Variants in GPC6 observed in about 807,000 individuals in gnomAD.
GPC6 encodes glypican-6.
GPC6 carries 14 observed loss-of-function variants against 55.2 expected under a neutral mutation model. That is an observed-to-expected ratio of 0.25 (90% CI 0.17 to 0.40). The LOEUF is 0.40. Among genes scored for constraint, GPC6 ranks in the 10% least tolerant of loss-of-function variants. The pLI is 1.00. For missense variants in GPC6, 641 were observed against 708.5 expected (o/e 0.90, Z 1.08); for synonymous variants, 278 against 259.6 (o/e 1.07, Z -0.68).
chr13:94,235,064 T>C (rs1037448999), intron 4 of GPC6, among the ~76,000 whole-genome samples: 1 of 152,138 alleles, frequency 6.6e-6, no homozygotes, highest in Non-Finnish European at 1.5e-5. Context: ...CTGTACTGTA[T>C]GCTTAAAATT....
intron 4 of GPC6, among the ~76,000 whole-genome samples, chr13:94,082,369 T>A (rs1885131505): frequency 2.0e-5 from 3 of 152,164 alleles, no homozygotes; most frequent in Admixed American, 1.3e-4. Context: ...CTGAAAATAC[T>A]GTGCGCTCAT....
At chr13:93,876,543 A>T (rs922308158) in intron 3 of GPC6, among the ~76,000 whole-genome samples, 5 of 152,002 alleles carry the variant, frequency 3.3e-5, no homozygotes, top group African/African-American at 1.2e-4. Flanking sequence ...TAAAAATGAG[A>T]GTTTCAGAAT....
intron 4 of GPC6, among the ~76,000 whole-genome samples, chr13:94,183,688 A>G (rs1425619495): frequency 6.6e-6 from 1 of 152,196 alleles, no homozygotes; most frequent in Non-Finnish European, 1.5e-5. Context: ...CCAGAAATCT[A>G]CGAGGGTTTC....
intron 2 of GPC6, among the ~76,000 whole-genome samples, chr13:93,652,194 A>G (rs185906825): frequency 1.3e-5 from 2 of 152,272 alleles, no homozygotes; most frequent in Admixed American, 6.5e-5. Flanking sequence ...TTATAGAACT[A>G]TCTTCATATA....
chr13:94,176,520 C>T (rs554187561), intron 4 of GPC6, among the ~76,000 whole-genome samples: 2 of 152,216 alleles, frequency 1.3e-5, no homozygotes, highest in South Asian at 2.1e-4. Flanking sequence ...TGGAGGGAAA[C>T]GAGTGACCTT....
intron 4 of GPC6, among the ~76,000 whole-genome samples, chr13:94,048,623 G>A (rs760028848): frequency 2.0e-5 from 3 of 151,696 alleles, no homozygotes; most frequent in African/African-American, 7.3e-5. Context: ...AAAAAAAAAC[G>A]AAGAGACAGA....
intron 2 of GPC6, among the ~76,000 whole-genome samples, chr13:93,695,185 T>C (rs1245666395): frequency 1.3e-5 from 2 of 152,094 alleles, no homozygotes; most frequent in Non-Finnish European, 2.9e-5. Flanking sequence ...ACTTAGAAGT[T>C]TACTGAGCCT....
intron 6 of GPC6, among the ~76,000 whole-genome samples, chr13:94,377,744 C>G (rs1449996419): frequency 6.6e-6 from 1 of 152,166 alleles, no homozygotes; most frequent in African/African-American, 2.4e-5. Flanking sequence ...GACACATGCA[C>G]ACGTATGTTT....
chr13:93,612,986 A>C (rs1878550900), intron 2 of GPC6, among the ~76,000 whole-genome samples: 1 of 152,174 alleles, frequency 6.6e-6, no homozygotes, highest in Non-Finnish European at 1.5e-5. Context: ...ATTCATTGCC[A>C]ATGTTTTGCC....
At chr13:94,140,286 C>G (rs970689694) in intron 4 of GPC6, among the ~76,000 whole-genome samples, 5 of 152,186 alleles carry the variant, frequency 3.3e-5, no homozygotes, top group African/African-American at 1.2e-4. Context: ...TATGCTACTA[C>G]AATTTGCATT....
chr13:94,044,778 A>G (rs762860770), intron 4 of GPC6, among the ~76,000 whole-genome samples: 29 of 152,004 alleles, frequency 1.9e-4, no homozygotes, highest in South Asian at 4.1e-4. Flanking sequence ...CCAGAATCTC[A>G]TAAGACAAGG....
intron 4 of GPC6, among the ~76,000 whole-genome samples, chr13:94,151,680 G>A (rs911864258): frequency 2.0e-5 from 3 of 152,048 alleles, no homozygotes; most frequent in East Asian, 1.9e-4. Flanking sequence ...GTCTTTATCC[G>A]AGGCAATGGT....
chr13:93,862,355 A>C (rs1385363834), intron 3 of GPC6, among the ~76,000 whole-genome samples: 1 of 151,504 alleles, frequency 6.6e-6, no homozygotes, highest in Non-Finnish European at 1.5e-5. Flanking sequence ...TGCTCCATGC[A>C]GGGGAGATAT....
At chr13:93,532,272 A>G (rs934269398) in intron 1 of GPC6, among the ~76,000 whole-genome samples, 3 of 152,004 alleles carry the variant, frequency 2.0e-5, no homozygotes, top group Non-Finnish European at 2.9e-5. Context: ...CTTTCTATTC[A>G]TTATCTTTTA....
intron 4 of GPC6, among the ~76,000 whole-genome samples, chr13:94,128,373 T>C (rs1445278761): frequency 6.6e-6 from 1 of 152,220 alleles, no homozygotes; most frequent in Non-Finnish European, 1.5e-5. Context: ...TCACTGTATC[T>C]GTCAGGATAA....
chr13:94,133,267 CAAA>C (rs66499161), intron 4 of GPC6, among the ~76,000 whole-genome samples: 3 of 85,098 alleles, frequency 3.5e-5, no homozygotes, highest in African/African-American at 5.0e-5. Context: ...TGACCAGTGA[CAAA>C]AAAAAAAAAA....
chr13:94,232,643 A>AC (rs1381847862), intron 4 of GPC6, among the ~76,000 whole-genome samples: 1 of 152,138 alleles, frequency 6.6e-6, no homozygotes, highest in Non-Finnish European at 1.5e-5. Context: ...GTAATTAAAA[A>AC]CCAAGTGTGA....
intron 1 of GPC6, among the ~76,000 whole-genome samples, chr13:93,289,146 C>A (rs1247394303): frequency 1.3e-5 from 2 of 152,136 alleles, no homozygotes; most frequent in East Asian, 3.9e-4. Context: ...CACATTGAAG[C>A]CTTAGTGTAA....
At chr13:93,651,669 G>C (rs1222222811) in intron 2 of GPC6, among the ~76,000 whole-genome samples, 5 of 152,108 alleles carry the variant, frequency 3.3e-5, no homozygotes, top group Non-Finnish European at 7.4e-5. Context: ...ATGCAGACCA[G>C]ACACTGCACC....
Sources: allele counts gnomAD v4.1 joint callset (sites outside exome capture counted in the v4.1 genomes callset), GRCh38; gene constraint gnomAD v4.1.1; transcripts MANE v1.5; gene names NCBI Gene and HGNC (gene_info 2026-07-23, HGNC 2026-07-21).